Variants in ANKS1B observed in about 807,000 individuals in gnomAD.
The protein encoded by ANKS1B is ankyrin repeat and sterile alpha motif domain containing 1B.
In ANKS1B, 36 loss-of-function variants were observed where a neutral mutation model predicts 148.3. The observed-to-expected ratio is 0.24, with a 90% CI of 0.19 to 0.32. ANKS1B has a LOEUF of 0.32. ANKS1B is among the 10% of genes least tolerant of loss of function. ANKS1B has a pLI of 1.00. For missense variants in ANKS1B, 1,157 were observed against 1,542.6 expected (o/e 0.75, Z 4.19); for synonymous variants, 542 against 560.8 (o/e 0.97, Z 0.47).
chr12:98,762,775 A>G (rs532191234), intron 25 of ANKS1B, among the ~76,000 whole-genome samples: 5 of 152,142 alleles, frequency 3.3e-5, no homozygotes, highest in Non-Finnish European at 7.4e-5. Flanking sequence ...ACCACGTGGT[A>G]TTTATTATGA....
At chr12:99,616,806 T>A (rs1203588323) in intron 9 of ANKS1B, among the ~76,000 whole-genome samples, 3 of 152,076 alleles carry the variant, frequency 2.0e-5, no homozygotes, top group African/African-American at 4.8e-5. Flanking sequence ...CTAATTAAAC[T>A]AAAGAGCTTC....
intron 10 of ANKS1B, 32 bp from the exon 11 acceptor site, chr12:99,443,841 A>C: frequency 1.3e-6 from 2 of 1,581,460 alleles, no homozygotes; most frequent in Non-Finnish European, 1.7e-6. Flanking sequence ...CCATGAACCT[A>C]ATCACTCAGT....
chr12:99,277,838 G>A (rs964304468), intron 12 of ANKS1B, among the ~76,000 whole-genome samples: 2 of 152,208 alleles, frequency 1.3e-5, no homozygotes, highest in African/African-American at 4.8e-5. Context: ...CCATTGTGAA[G>A]TATTGCCCCA....
intron 4 of ANKS1B, among the ~76,000 whole-genome samples, chr12:99,785,114 G>A (rs2064861502): frequency 6.6e-6 from 1 of 151,986 alleles, no homozygotes; most frequent in African/African-American, 2.4e-5. Context: ...GAGTAGTGCA[G>A]GATAAGACTG....
chr12:99,284,969 G>T (rs955940869), intron 12 of ANKS1B, among the ~76,000 whole-genome samples: 1 of 151,934 alleles, frequency 6.6e-6, no homozygotes, highest in Non-Finnish European at 1.5e-5. Flanking sequence ...GATATAATTG[G>T]CATACAATAA....
intron 12 of ANKS1B, among the ~76,000 whole-genome samples, chr12:99,386,802 C>G (rs530712347): frequency 1.2e-4 from 18 of 152,242 alleles, no homozygotes; most frequent in African/African-American, 4.1e-4. Flanking sequence ...GACATATCTC[C>G]CTGAGGCAAC....
chr12:99,862,056 G>A (rs1265423213), intron 1 of ANKS1B, among the ~76,000 whole-genome samples: 1 of 152,104 alleles, frequency 6.6e-6, no homozygotes, highest in East Asian at 1.9e-4. Context: ...ATTCTTCATT[G>A]TAATAGCTCT....
intron 17 of ANKS1B, among the ~76,000 whole-genome samples, chr12:98,911,015 T>C (rs1266276761): frequency 6.6e-6 from 1 of 152,208 alleles, no homozygotes; most frequent in Admixed American, 6.5e-5. Context: ...ACGGGCTCTC[T>C]GTCAACATAT....
chr12:99,523,965 G>A (rs1004657259), intron 9 of ANKS1B, among the ~76,000 whole-genome samples: 1 of 152,194 alleles, frequency 6.6e-6, no homozygotes, highest in African/African-American at 2.4e-5. Flanking sequence ...TATGGTACAA[G>A]TTACCTGAAT....
At chr12:99,189,992 T>C (rs570918228) in intron 14 of ANKS1B, among the ~76,000 whole-genome samples, 296 of 152,250 alleles carry the variant, frequency 1.9e-3, no homozygotes, top group Non-Finnish European at 3.7e-3. Flanking sequence ...TTCAGCAAAG[T>C]CTCAGGATAC....
intron 17 of ANKS1B, chr12:98,949,586 A>G (rs2153068207): frequency 6.6e-6 from 1 of 152,328 alleles, no homozygotes; most frequent in South Asian, 2.1e-4. Context: ...CGGTGGGAAA[A>G]GGATACTGCC....
intron 1 of ANKS1B, among the ~76,000 whole-genome samples, chr12:99,845,629 T>C (rs2086540213): frequency 6.6e-6 from 1 of 152,180 alleles, no homozygotes; most frequent in South Asian, 2.1e-4. Context: ...TTTCTGGTAA[T>C]TTGTTGAGAA....
At chr12:99,715,826 C>A (rs960361617) in intron 8 of ANKS1B, among the ~76,000 whole-genome samples, 1 of 152,142 alleles carries the variant, frequency 6.6e-6, no homozygotes, top group African/African-American at 2.4e-5. Context: ...TTGGCACCAC[C>A]CTTCAATCTC....
chr12:99,593,287 G>A (rs1168343185), intron 9 of ANKS1B, among the ~76,000 whole-genome samples: 1 of 151,952 alleles, frequency 6.6e-6, no homozygotes, highest in Non-Finnish European at 1.5e-5. Flanking sequence ...TCCTCATGAA[G>A]TACAGTGATA....
At chr12:99,060,885 T>G (rs2042245115) in intron 16 of ANKS1B, among the ~76,000 whole-genome samples, 1 of 152,080 alleles carries the variant, frequency 6.6e-6, no homozygotes, top group South Asian at 2.1e-4. Flanking sequence ...TGATATACAT[T>G]ATAATAGCTT....
At chr12:98,899,685 T>C (rs2099769499) in intron 17 of ANKS1B, among the ~76,000 whole-genome samples, 1 of 152,196 alleles carries the variant, frequency 6.6e-6, no homozygotes, top group Non-Finnish European at 1.5e-5. Context: ...AGCCAATTCC[T>C]TGCAATAAAT....
intron 25 of ANKS1B, among the ~76,000 whole-genome samples, chr12:98,772,314 A>G (rs2098596689): frequency 6.6e-6 from 1 of 152,162 alleles, no homozygotes; most frequent in South Asian, 2.1e-4. Flanking sequence ...TGTCCTTACA[A>G]GAAGAGGAAA....
At chr12:99,385,455 C>T (rs1485411609) in intron 12 of ANKS1B, among the ~76,000 whole-genome samples, 1 of 152,000 alleles carries the variant, frequency 6.6e-6, no homozygotes, top group Non-Finnish European at 1.5e-5. Context: ...GGCAACAGAG[C>T]GAGGCTGTGT....
At chr12:99,968,589 C>G (rs971560686) in intron 1 of ANKS1B, among the ~76,000 whole-genome samples, 3 of 146,330 alleles carry the variant, frequency 2.1e-5, no homozygotes, top group East Asian at 2.0e-4. Context: ...ATCAATCAAT[C>G]AATGCTGTGG....
Sources: gnomAD v4.1 joint callset for allele counts (sites outside exome capture counted in the v4.1 genomes callset) on GRCh38, gnomAD v4.1.1 for gene constraint, MANE v1.5 for transcripts, NCBI Gene and HGNC (gene_info 2026-07-23, HGNC 2026-07-21) for gene names.